Variants in GRM1 observed in about 807,000 individuals in gnomAD.
The protein encoded by GRM1 is glutamate metabotropic receptor 1, also known as metabotropic glutamate receptor 1.
GRM1 carries 33 observed loss-of-function variants against 90.9 expected under a neutral mutation model. The ratio of observed to expected loss-of-function variants is 0.36; its 90% CI spans 0.28 to 0.49. The LOEUF (loss-of-function observed/expected upper bound fraction) is 0.49, where lower values mean the gene tolerates loss of function less well. GRM1 is among the 20% of genes least tolerant of loss of function. The probability of loss-of-function intolerance (pLI) is 0.99; values close to 1 mark genes in which losing one functional copy is unlikely to be tolerated. For synonymous variants in GRM1, 700 were observed against 613.2 expected, an observed-to-expected ratio of 1.14 and a Z score of -2.09; for missense variants, 1,190 against 1,534.3, an observed-to-expected ratio of 0.78 and a Z score of 3.75.
rs1158761695 is a variant in GRM1 at position 146,301,656 on chromosome 6, T to C, written c.951-2955T>C. On this transcript the variant is annotated intron_variant, in intron 2 of 7. Coordinates refer to ENST00000282753, the MANE Select transcript of GRM1 (RefSeq NM_001278064.2). The stretch of plus-strand genomic sequence containing the variant: ...TTTCAAGTTATGTCATTTCAATTTT[T>C]AAATATTTACCCTTAGACAGAATTT... 2.0e-5 allele frequency among the ~76,000 whole-genome samples: 3 copies of C among 152,332 alleles called. No homozygotes were observed. In the South Asian group the frequency reaches 6.2e-4, roughly 32 times the overall value.
At chr6:146,422,968 G>A (rs1219074737) in intron 7 of GRM1, among the ~76,000 whole-genome samples, 1 of 151,290 alleles carries the variant, frequency 6.6e-6, no homozygotes, top group Non-Finnish European at 1.5e-5. Flanking sequence ...GAAAGGGAGA[G>A]GAGGGAGGGA....
chr6:146,135,215 A>G lies in GRM1; in HGVS notation c.701-24133A>G, dbSNP rs531968619. Among the ~76,000 whole-genome samples, 4 of 152,322 alleles carry G rather than the reference A, an allele frequency of 2.6e-5. No individual in the cohort carries two copies. In the South Asian group the frequency reaches 8.3e-4, roughly 32 times the overall value. On this transcript the variant is annotated intron_variant, in intron 1 of 7. Coordinates refer to ENST00000282753, the MANE Select transcript of GRM1 (RefSeq NM_001278064.2). Reference sequence around the variant, plus strand: ...AGCCAAAGCACAAGGAGATTAGCTGACTTACCCAAAGTCTCATAGCTAGTA... The same window carrying G: ...AGCCAAAGCACAAGGAGATTAGCTGGCTTACCCAAAGTCTCATAGCTAGTA...
intron 1 of GRM1, among the ~76,000 whole-genome samples, chr6:146,032,118 G>T (rs974777677): frequency 4.6e-5 from 7 of 152,060 alleles, no homozygotes; most frequent in Non-Finnish European, 1.0e-4. Context: ...CACTAATTTT[G>T]CTGCGAAAGG....
intron 3 of GRM1, among the ~76,000 whole-genome samples, chr6:146,323,595 A>G (rs1284575069): frequency 1.3e-5 from 2 of 152,100 alleles, no homozygotes; most frequent in Non-Finnish European, 2.9e-5. Flanking sequence ...CTTTAGTTTA[A>G]TTAGATCCCA....
At chr6:146,296,633 T>G (rs1029197590) in intron 2 of GRM1, among the ~76,000 whole-genome samples, 1 of 152,196 alleles carries the variant, frequency 6.6e-6, no homozygotes, top group African/African-American at 2.4e-5. Flanking sequence ...TGTCTTTAAA[T>G]TTTGACTTCC....
intron 2 of GRM1, among the ~76,000 whole-genome samples, chr6:146,280,359 AG>A (rs1380750554): frequency 6.6e-6 from 1 of 152,174 alleles, no homozygotes. Flanking sequence ...GTGTTATTTA[AG>A]GGAGAACTTA....
At chr6:146,234,469 T>C (rs1304714084) in intron 2 of GRM1, among the ~76,000 whole-genome samples, 1 of 152,082 alleles carries the variant, frequency 6.6e-6, no homozygotes, top group East Asian at 1.9e-4. Flanking sequence ...CCTTATTATT[T>C]ATATCTGTCT....
At chr6:146,236,693 C>A (rs1780658204) in intron 2 of GRM1, among the ~76,000 whole-genome samples, 1 of 152,084 alleles carries the variant, frequency 6.6e-6, no homozygotes, top group African/African-American at 2.4e-5. Flanking sequence ...ATCACTGGGT[C>A]ATTATCTGCA....
chr6:146,255,798 T>C (rs1315195433), intron 2 of GRM1, among the ~76,000 whole-genome samples: 1 of 152,158 alleles, frequency 6.6e-6, no homozygotes, highest in Non-Finnish European at 1.5e-5. Context: ...CTTCACACGC[T>C]ACATTTTTTT....
chr6:146,312,228 C>A, intron 3 of GRM1, among the ~76,000 whole-genome samples: 1 of 151,564 alleles, frequency 6.6e-6, no homozygotes, highest in East Asian at 1.9e-4. Flanking sequence ...GTAATCCCAG[C>A]TACTCAGGAG....
intron 2 of GRM1, among the ~76,000 whole-genome samples, chr6:146,248,528 T>C (rs1027810190): frequency 6.6e-6 from 1 of 152,180 alleles, no homozygotes. Context: ...TGCTTCCCCT[T>C]TGCCTTCTGC....
chr6:146,372,576 G>C (rs1775942828), intron 5 of GRM1, among the ~76,000 whole-genome samples: 1 of 151,894 alleles, frequency 6.6e-6, no homozygotes, highest in South Asian at 2.1e-4. Context: ...ATGTTTTCTT[G>C]CATTTTCATA....
intron 2 of GRM1, among the ~76,000 whole-genome samples, chr6:146,221,087 G>C (rs1780043362): frequency 6.6e-6 from 1 of 152,070 alleles, no homozygotes; most frequent in Non-Finnish European, 1.5e-5. Context: ...ATTTACGCCA[G>C]CTCCACTTGA....
chr6:146,123,801 G>A (rs1382948543), intron 1 of GRM1, among the ~76,000 whole-genome samples: 3 of 152,120 alleles, frequency 2.0e-5, no homozygotes, highest in Admixed American at 2.0e-4. Context: ...TTCTCCCACT[G>A]TTCTGGTCTC....
chr6:146,293,551 C>G (rs897965415), intron 2 of GRM1, among the ~76,000 whole-genome samples: 1 of 151,928 alleles, frequency 6.6e-6, no homozygotes, highest in African/African-American at 2.4e-5. Flanking sequence ...GTGATATTGG[C>G]ATATATTTTC....
chr6:146,381,677 A>G (rs754904433), intron 5 of GRM1, among the ~76,000 whole-genome samples: 5 of 152,162 alleles, frequency 3.3e-5, no homozygotes, highest in Non-Finnish European at 5.9e-5. Context: ...CTATTCCGCC[A>G]TCTTGCTCCA....
intron 6 of GRM1, among the ~76,000 whole-genome samples, chr6:146,392,042 A>G (rs1043305613): frequency 6.6e-6 from 1 of 152,140 alleles, no homozygotes; most frequent in African/African-American, 2.4e-5. Context: ...ATCCTTGGAG[A>G]GGCCTTAGTA....
chr6:146,389,923 G>A (rs1583428491), intron 6 of GRM1, among the ~76,000 whole-genome samples: 1 of 152,178 alleles, frequency 6.6e-6, no homozygotes, highest in East Asian at 1.9e-4. Context: ...CACAGAGCAA[G>A]GGCATAGTCC....
intron 3 of GRM1, among the ~76,000 whole-genome samples, chr6:146,327,882 G>A (rs1328638395): frequency 6.6e-6 from 1 of 152,152 alleles, no homozygotes; most frequent in Non-Finnish European, 1.5e-5. Flanking sequence ...TATTTGAAGA[G>A]AGATTTCGAT....
Sources: gnomAD v4.1 joint callset for allele counts (sites outside exome capture counted in the v4.1 genomes callset) on GRCh38, gnomAD v4.1.1 for gene constraint, MANE v1.5 for transcripts, NCBI Gene and HGNC (gene_info 2026-07-23, HGNC 2026-07-21) for gene names.